FAM120C: variants seen among roughly 807,000 people sequenced by gnomAD.
The protein encoded by FAM120C is constitutive coactivator of PPAR-gamma-like protein 2.
A neutral mutation model predicts 71.2 loss-of-function variants in FAM120C; 14 were observed. That is an observed-to-expected ratio of 0.20 (90% CI 0.13 to 0.31). The LOEUF is 0.31. Ranked by LOEUF, FAM120C falls within the 10% of genes least tolerant of loss-of-function variation. The pLI is 1.00. For missense variants in FAM120C, 500 were observed against 879.0 expected (o/e 0.57, Z 5.45); for synonymous variants, 354 against 353.2 (o/e 1.00, Z -0.03).
At position 54,116,488 on chromosome X, in the gene FAM120C, G is replaced by C. The variant is rs2066968538; in HGVS notation, c.2312+57C>G. On this transcript the variant is annotated intron_variant, in intron 10 of 15. Transcript: ENST00000375180. ...ATACCATAAAAGCAGGTGCTTAAAG[G>C]AAATATAAAAAAAGTAAAAGAGAAA... 3.5e-6 allele frequency: 4 copies of C among 1,145,783 alleles called. No homozygotes were observed. The East Asian group carries it at 1.2e-4, about 35-fold the overall frequency. The allele number at this position is 1,145,783 out of a possible 1,213,427, so 94.4% of individuals were successfully genotyped here.
In FAM120C at chrX:54,097,954, C is replaced by G. The variant is rs1163169764; in HGVS notation, c.2313-6528G>C. 4.5e-5 allele frequency among the ~76,000 whole-genome samples: 5 copies of G among 110,902 alleles called. No individual in the cohort carries two copies. The Admixed American group carries it at 4.8e-4, about 11-fold the overall frequency. Reference sequence around the variant, plus strand: ...TGTTAGCCAGGATGGTCTCGATCTCCTGGCCTCGTGATCCGCCCGCCTTGG... The same window carrying G: ...TGTTAGCCAGGATGGTCTCGATCTCGTGGCCTCGTGATCCGCCCGCCTTGG... On this transcript the variant is annotated intron_variant, in intron 10 of 15. Transcript: ENST00000375180.
intron 8 of FAM120C, among the ~76,000 whole-genome samples, chrX:54,133,301 C>G (rs2067077526): frequency 9.0e-6 from 1 of 111,621 alleles, no homozygotes; most frequent in African/African-American, 3.3e-5. Flanking sequence ...GCTTGGGCAA[C>G]AGAGCGAGAC....
intron 9 of FAM120C, among the ~76,000 whole-genome samples, chrX:54,118,456 T>A (rs1161383673): frequency 9.1e-6 from 1 of 110,182 alleles, no homozygotes; most frequent in Non-Finnish European, 1.9e-5. Context: ...TTTATTTCTC[T>A]AATATAAATG....
At chrX:54,134,759 A>G in intron 7 of FAM120C, 72 bp downstream of exon 7, 3 of 1,045,664 alleles carry the variant, frequency 2.9e-6, no homozygotes, top group Non-Finnish European at 3.9e-6. Flanking sequence ...CACACCCTCC[A>G]CCCATCTAAC....
intron 10 of FAM120C, among the ~76,000 whole-genome samples, chrX:54,092,555 A>AAGG (rs782664848): frequency 5.5e-5 from 6 of 109,104 alleles, no homozygotes; most frequent in African/African-American, 2.0e-4. Context: ...GGAGAGGGAG[A>AAGG]AGGAGGAGGA....
Position 54,136,529 on chromosome X carries a change from G to T in FAM120C, c.1220C>A (p.Thr407Asn). The change falls in exon 5 of 16, where the codon ACC (threonine) becomes AAC (asparagine). Residue 407 changes from threonine (T) to asparagine (N), a missense_variant. Thr to Asn is a moderately conservative substitution (Grantham distance 65). Coordinates refer to ENST00000375180, the MANE Select transcript of FAM120C (RefSeq NM_017848.6). Reference protein sequence around the residue: ...KKAVEYYSVTTKLSSLPVGPS... With the variant: ...KKAVEYYSVTNKLSSLPVGPS... ...ACCCACTGGCAGCGAAGAGAGTTTG[G>T]TTGTGACTGAATAATACTCAACTGC... The T allele has an allele frequency of 8.3e-7, 1 of 1,210,687 alleles. No homozygotes were observed. Among genetic ancestry groups the T allele is most frequent in the South Asian group, 1.8e-5 (1 of 56,932 alleles).
At chrX:54,138,815 TAAAC>T (rs1313747848) in intron 4 of FAM120C, among the ~76,000 whole-genome samples, 2 of 112,249 alleles carry the variant, frequency 1.8e-5, no homozygotes, top group Admixed American at 9.5e-5. Context: ...CGAGACTGTC[TAAAC>T]AAACAAACAA....
Position 54,069,409 on chromosome X carries a change from C to T in FAM120C, c.*3624G>A, listed in dbSNP as rs1222294163. ...TTAAACCTTAGTAGAATTATACTAA[C>T]TACTTTAAACTGTGGTCTACTTGTA... On this transcript the variant is annotated 3_prime_UTR_variant, in exon 16 of 16. Coordinates refer to ENST00000375180, the MANE Select transcript of FAM120C (RefSeq NM_017848.6). The T allele has an allele frequency of 9.0e-6, 1 of 110,530 alleles. No homozygotes were observed. The highest frequency in any genetic ancestry group is 1.9e-5 in the Non-Finnish European group (1 of 52,881). 9.1% of individuals were successfully genotyped at this position (110,530 alleles called of 1,213,427 possible). A position where few individuals can be genotyped will look rare whatever the true frequency, so the allele number is the denominator to read the frequency against.
intron 4 of FAM120C, among the ~76,000 whole-genome samples, chrX:54,143,332 A>C (rs1342738213): frequency 9.8e-6 from 1 of 102,248 alleles, no homozygotes; most frequent in East Asian, 3.0e-4. Context: ...AACTGAAGGA[A>C]ATACAGACAC....
intron 1 of FAM120C, among the ~76,000 whole-genome samples, chrX:54,168,287 C>A (rs1323768625): frequency 9.0e-6 from 1 of 111,443 alleles, no homozygotes; most frequent in Admixed American, 9.6e-5. Flanking sequence ...CAGGTGTGCA[C>A]CGCCATGCCT....
intron 10 of FAM120C, among the ~76,000 whole-genome samples, chrX:54,105,536 A>G (rs781883594): frequency 8.9e-6 from 1 of 111,874 alleles, no homozygotes; most frequent in East Asian, 2.8e-4. Context: ...CCTATTCAAC[A>G]TAGTGTTGGA....
At chrX:54,124,684 T>A (rs2067016481) in intron 9 of FAM120C, among the ~76,000 whole-genome samples, 1 of 108,598 alleles carries the variant, frequency 9.2e-6, no homozygotes, top group Non-Finnish European at 1.9e-5. Flanking sequence ...GTCTTCTGCG[T>A]CGCTCACGCT....
intron 14 of FAM120C, 34 bp downstream of exon 14, chrX:54,081,288 G>A: frequency 8.5e-7 from 1 of 1,177,042 alleles, no homozygotes; most frequent in Non-Finnish European, 1.1e-6. Context: ...TTTCCCAAGG[G>A]GACTAGCTCA....
At chrX:54,090,239 C>CT (rs201924234) in intron 11 of FAM120C, among the ~76,000 whole-genome samples, 1 of 100,956 alleles carries the variant, frequency 9.9e-6, no homozygotes, top group African/African-American at 3.6e-5. Context: ...CCTTGCCCTT[C>CT]TTTTTTTTTG....
At chrX:54,088,605 A>AC (rs1396956267) in intron 11 of FAM120C, among the ~76,000 whole-genome samples, 2 of 107,011 alleles carry the variant, frequency 1.9e-5, no homozygotes, top group Non-Finnish European at 3.9e-5. Context: ...AAAAAAAAAA[A>AC]AAAAAAAACG....
rs1557130207 is a variant in FAM120C, at chrX:54,135,030, G to T, written c.1417C>A (p.His473Asn). Residue 473 changes from histidine (H) to asparagine (N), a missense_variant, in exon 7 of 16, where the codon CAT (histidine) becomes AAT (asparagine). Coordinates refer to ENST00000375180, the MANE Select transcript of FAM120C (RefSeq NM_017848.6). ...GPNSSLLFSS[H>N]ALGESHAFSE... ...AAAGCATGGGATTCCCCCAAAGCAT[G>T]GGAGGAGAAGAGAAGAGATGAGTTG... 1 of 1,209,621 alleles carries T rather than the reference G, an allele frequency of 8.3e-7. No homozygotes were observed. The highest frequency in any genetic ancestry group is 1.1e-6 in the Non-Finnish European group (1 of 894,728).
intron 4 of FAM120C, among the ~76,000 whole-genome samples, chrX:54,146,746 C>G (rs2067158523): frequency 8.9e-6 from 1 of 111,766 alleles, no homozygotes; most frequent in Admixed American, 9.6e-5. Flanking sequence ...TATTATAAAG[C>G]TACAGTAATC....
intron 1 of FAM120C, among the ~76,000 whole-genome samples, chrX:54,162,343 A>G (rs182547664): frequency 4.6e-4 from 51 of 111,232 alleles, no homozygotes; most frequent in Middle Eastern, 4.6e-3. Flanking sequence ...CTCTTTCCCA[A>G]TGTTCTGAAT....
intron 1 of FAM120C, among the ~76,000 whole-genome samples, chrX:54,170,875 C>G (rs1244049285): frequency 9.0e-6 from 1 of 111,461 alleles, no homozygotes. Flanking sequence ...TTGTTTAGCC[C>G]AAAGCAAATC....
Sources: gnomAD v4.1 joint callset for allele counts (sites outside exome capture counted in the v4.1 genomes callset) on GRCh38, gnomAD v4.1.1 for gene constraint, MANE v1.5 for transcripts, NCBI Gene and HGNC (gene_info 2026-07-23, HGNC 2026-07-21) for gene names.